MTNR1B: variants seen among roughly 807,000 people sequenced by gnomAD.
MTNR1B encodes melatonin receptor type 1B.
Under a neutral mutation model 7.0 loss-of-function variants are expected in MTNR1B, and 7 were observed. The ratio of observed to expected loss-of-function variants is 1.00; its 90% CI spans 0.57 to 1.88. MTNR1B has a LOEUF of 1.88. Among genes scored for constraint, MTNR1B ranks in the 40% most tolerant of loss-of-function variants. The pLI, the probability that MTNR1B is intolerant of heterozygous loss-of-function variation, is 0.00. For missense variants in MTNR1B, 478 were observed against 486.5 expected, an observed-to-expected ratio of 0.98 and a Z score of 0.16; for synonymous variants, 226 against 208.2, an observed-to-expected ratio of 1.09 and a Z score of -0.74.
chr11:92,974,091 G>A (rs1465841120), intron 1 of MTNR1B, among the ~76,000 whole-genome samples: 8 of 152,210 alleles, frequency 5.3e-5, no homozygotes, highest in Admixed American at 5.2e-4. Flanking sequence ...GCAGTTTCCA[G>A]CCATGCCATG....
At chr11:92,974,760 G>T (rs375539209) in intron 1 of MTNR1B, among the ~76,000 whole-genome samples, 1 of 152,088 alleles carries the variant, frequency 6.6e-6, no homozygotes, top group African/African-American at 2.4e-5. Context: ...CCGCCACCTC[G>T]CCCGGCTAAT....
Position 92,969,782 on chromosome 11 carries a change from C to T in MTNR1B, c.57C>T (p.Arg19=), listed in dbSNP as rs771512080. Residue 19 remains arginine (R), a synonymous_variant, in exon 1 of 2, where the codon CGC becomes CGT. Transcript: ENST00000257068. The stretch of plus-strand genomic sequence containing the variant: ...GCGAGGCGGGCGGGTGGGCAGTGCG[C>T]CCGGGCTGGTCGGGGGCTGGCAGCG... The part of the protein sequence containing the change: ...NCCEAGGWAV[R]PGWSGAGSAR... 13 of 1,544,766 alleles carry T rather than the reference C, an allele frequency of 8.4e-6. No homozygotes were observed. The South Asian group carries it at 1.4e-4, about 17-fold the overall frequency.
chr11:92,978,161 G>C (rs550613291), intron 1 of MTNR1B, among the ~76,000 whole-genome samples: 12 of 152,292 alleles, frequency 7.9e-5, no homozygotes, highest in African/African-American at 2.6e-4. Flanking sequence ...AGGGGGGCAA[G>C]GGTTACAGGG....
At chr11:92,983,548 G>A (rs1253994233), downstream of MTNR1B, among the ~76,000 whole-genome samples, 4 of 151,576 alleles carry the variant, frequency 2.6e-5, no homozygotes, top group African/African-American at 9.7e-5. Flanking sequence ...AGAAGAAGTA[G>A]AAGGACAGGA....
chr11:92,978,655 G>T (rs1040135440), intron 1 of MTNR1B, among the ~76,000 whole-genome samples: 1 of 152,202 alleles, frequency 6.6e-6, no homozygotes, highest in Non-Finnish European at 1.5e-5. Context: ...TGCCAAGAAA[G>T]CCTGGAGACA....
Position 92,977,843 on chromosome 11 carries a change from C to T in MTNR1B, c.224-3604C>T, listed in dbSNP as rs186897001. Among the ~76,000 whole-genome samples the T allele has an allele frequency of 5.6e-3, 846 of 152,284 alleles. 5 individuals are homozygous for T. Among genetic ancestry groups the T allele is most frequent in the Non-Finnish European group, 7.9e-3 (535 of 68,022 alleles). On this transcript the variant is annotated intron_variant, in intron 1 of 1. Coordinates refer to ENST00000257068, the MANE Select transcript of MTNR1B (RefSeq NM_005959.5). ...AAACAGATGGAAGAGTGGAAGAAGA[C>T]CTCAAGGCACAGAAAGTTTAACACT...
At chr11:92,972,600 A>T in intron 1 of MTNR1B, 1 of 454,272 alleles carries the variant, frequency 2.2e-6, no homozygotes, top group South Asian at 1.6e-5. Context: ...AGGTAAGGCC[A>T]AGTGTGTTCA....
chr11:92,975,908 T>C (rs1199431195), intron 1 of MTNR1B, among the ~76,000 whole-genome samples: 1 of 152,210 alleles, frequency 6.6e-6, no homozygotes, highest in Non-Finnish European at 1.5e-5. Context: ...TAGAGTGCCA[T>C]TATCAGCCCA....
rs574453327 is a variant in MTNR1B, at chr11:92,981,888, G to A, written c.665G>A (p.Arg222His). ...GCTGTCGTGTCCTTCTGCTACCTGCGCATCTGGGTGCTGGTGCTTCAGGCC... is the reference window on the plus strand; with the variant it reads ...GCTGTCGTGTCCTTCTGCTACCTGCACATCTGGGTGCTGGTGCTTCAGGCC... Reference protein sequence around the residue: ...PIAVVSFCYLRIWVLVLQARR... With the variant: ...PIAVVSFCYLHIWVLVLQARR... The change falls in exon 2 of 2, where the codon CGC becomes CAC. Residue 222 changes from arginine (R) to histidine (H), a missense_variant. Transcript: ENST00000257068. 7.4e-6 allele frequency: 12 copies of A among 1,614,018 alleles called. No homozygotes were observed. Among genetic ancestry groups the A allele is most frequent in the African/African-American group, 2.7e-5 (2 of 74,912 alleles).
chr11:92,969,669 G>T lies in MTNR1B; in HGVS notation c.-57G>T, dbSNP rs1303719337. On this transcript the variant is annotated 5_prime_UTR_variant, in exon 1 of 2. Coordinates refer to ENST00000257068, the MANE Select transcript of MTNR1B (RefSeq NM_005959.5). ...GAGCGCCCGGCTCAGTACTGCGCGC[G>T]CCCTGCGGCTGTCCGGGGCCGCGCG... 3.6e-6 allele frequency: 5 copies of T among 1,372,978 alleles called. No homozygotes were observed. The highest frequency in any genetic ancestry group is 4.7e-6 in the Non-Finnish European group (5 of 1,063,700). 85.0% of individuals were successfully genotyped at this position (1,372,978 alleles called of 1,614,324 possible). A position where few individuals can be genotyped will look rare whatever the true frequency, so the allele number is the denominator to read the frequency against.
chr11:92,970,011 C>G, intron 1 of MTNR1B, 63 bp downstream of exon 1: 1 of 1,440,352 alleles, frequency 6.9e-7, no homozygotes, highest in Non-Finnish European at 9.3e-7. Flanking sequence ...TGATCTTGTC[C>G]CTGACCCCGG....
At chr11:92,983,398 A>G (rs767268605), downstream of MTNR1B, among the ~76,000 whole-genome samples, 3 of 152,018 alleles carry the variant, frequency 2.0e-5, no homozygotes, top group Non-Finnish European at 2.9e-5. Context: ...CTGTGGTCCT[A>G]ACTACTCAGG....
intron 1 of MTNR1B, among the ~76,000 whole-genome samples, chr11:92,978,021 T>TACTC (rs1368997781): frequency 6.6e-6 from 1 of 152,254 alleles, no homozygotes; most frequent in Non-Finnish European, 1.5e-5. Flanking sequence ...ACCTAGTATA[T>TACTC]ACTCAGCAAT....
At chr11:92,980,921 T>C (rs1289947419) in intron 1 of MTNR1B, among the ~76,000 whole-genome samples, 1 of 152,130 alleles carries the variant, frequency 6.6e-6, no homozygotes, top group Non-Finnish European at 1.5e-5. Flanking sequence ...ACAAAACCCA[T>C]GTAAAGACAC....
chr11:92,977,989 A>C (rs1373819408), intron 1 of MTNR1B, among the ~76,000 whole-genome samples: 1 of 152,352 alleles, frequency 6.6e-6, no homozygotes. Flanking sequence ...TAGCCTGTCC[A>C]TCTGGCATAG....
chr11:92,982,092 T>A lies in MTNR1B; in HGVS notation c.869T>A (p.Phe290Tyr), dbSNP rs1317118254. ...GCTCCCCAGATCCCTGAGGGGCTAT[T>A]TGTCACTAGCTACTTACTGGCTTAT... is the stretch of plus-strand genomic sequence containing the variant. ...EMAPQIPEGL[F>Y]VTSYLLAYFN... The change falls in exon 2 of 2, where the codon TTT becomes TAT. Residue 290 changes from phenylalanine (F) to tyrosine (Y), a missense_variant. Phe to Tyr is a conservative substitution (Grantham distance 22). Coordinates refer to ENST00000257068, the MANE Select transcript of MTNR1B (RefSeq NM_005959.5). 1 of 1,614,108 alleles carries A rather than the reference T, an allele frequency of 6.2e-7. No homozygotes were observed. Among genetic ancestry groups the A allele is most frequent in the Non-Finnish European group, 8.5e-7 (1 of 1,180,056 alleles).
At chr11:92,983,093 G>A (rs1402685124), downstream of MTNR1B, among the ~76,000 whole-genome samples, 1 of 152,110 alleles carries the variant, frequency 6.6e-6, no homozygotes, top group Non-Finnish European at 1.5e-5. Context: ...ATCTTAAAGT[G>A]AAGATCATGC....
intron 1 of MTNR1B, among the ~76,000 whole-genome samples, chr11:92,977,549 A>G (rs1858029248): frequency 6.6e-6 from 1 of 152,204 alleles, no homozygotes; most frequent in Non-Finnish European, 1.5e-5. Flanking sequence ...AAGTCTTGGT[A>G]ATTTTGTGTA....
intron 1 of MTNR1B, among the ~76,000 whole-genome samples, chr11:92,974,151 G>T (rs2136510967): frequency 6.6e-6 from 1 of 152,272 alleles, no homozygotes; most frequent in East Asian, 1.9e-4. Flanking sequence ...ATATGCTTTG[G>T]CTGTGTCCCT....
Sources: allele counts gnomAD v4.1 joint callset (sites outside exome capture counted in the v4.1 genomes callset), GRCh38; gene constraint gnomAD v4.1.1; transcripts MANE v1.5; gene names NCBI Gene and HGNC (gene_info 2026-07-23, HGNC 2026-07-21).